Variants in ZNF385D observed in about 807,000 individuals in gnomAD.
ZNF385D encodes zinc finger protein 385D.
ZNF385D carries 15 observed loss-of-function variants against 35.8 expected under a neutral mutation model. That is an observed-to-expected ratio of 0.42 (90% CI 0.28 to 0.64). The LOEUF is 0.64. Among genes scored for constraint, ZNF385D ranks in the 30% least tolerant of loss-of-function variants. The probability of loss-of-function intolerance (pLI) is 0.23; values close to 1 mark genes in which losing one functional copy is unlikely to be tolerated. For missense variants in ZNF385D, 474 were observed against 494.6 expected, an observed-to-expected ratio of 0.96 and a Z score of 0.39; for synonymous variants, 212 against 186.8, an observed-to-expected ratio of 1.13 and a Z score of -1.10.
chr3:22,142,646 A>G (rs1321938522), intron 3 of ZNF385D, among the ~76,000 whole-genome samples: 1 of 152,122 alleles, frequency 6.6e-6, no homozygotes, highest in Non-Finnish European at 1.5e-5. Context: ...GATCAATCCA[A>G]GTCATTGCTC....
intron 3 of ZNF385D, among the ~76,000 whole-genome samples, chr3:21,862,025 C>G (rs1697081752): frequency 6.6e-6 from 1 of 152,020 alleles, no homozygotes; most frequent in Non-Finnish European, 1.5e-5. Context: ...GTCATATGAG[C>G]TAAATAATCC....
chr3:22,246,322 T>C (rs1349778033), intron 2 of ZNF385D, among the ~76,000 whole-genome samples: 1 of 152,158 alleles, frequency 6.6e-6, no homozygotes, highest in Non-Finnish European at 1.5e-5. Context: ...TTGGTTGACC[T>C]CTGTCTACTC....
At position 22,286,112 on chromosome 3, in the gene ZNF385D, A is replaced by T. The variant is rs150491715; in HGVS notation, c.106+86338T>A. Among the ~76,000 whole-genome samples, 1,083 of 152,174 alleles carry T rather than the reference A, an allele frequency of 7.1e-3. 7 individuals carry two copies. Among genetic ancestry groups the T allele is most frequent in the African/African-American group, 0.024 (1,003 of 41,552 alleles). On this transcript the variant is annotated intron_variant, in intron 2 of 5. Transcript: ENST00000494108. ...ACTCTAGTATCTCTTAATACAATGT[A>T]CTCATTTTTAATAATATGTACGGTA...
intron 3 of ZNF385D, among the ~76,000 whole-genome samples, chr3:22,060,980 A>G (rs1576243283): frequency 2.0e-5 from 3 of 152,268 alleles, no homozygotes. Context: ...TTTTTACTAA[A>G]TAACTGTTAA....
intron 1 of ZNF385D, among the ~76,000 whole-genome samples, chr3:21,671,935 C>T (rs2066589420): frequency 6.6e-6 from 1 of 151,976 alleles, no homozygotes. Flanking sequence ...GTTTCAAAAC[C>T]CCTCAAATTT....
intron 3 of ZNF385D, among the ~76,000 whole-genome samples, chr3:22,084,317 A>G (rs1216536613): frequency 1.3e-5 from 2 of 152,154 alleles, no homozygotes; most frequent in African/African-American, 4.8e-5. Flanking sequence ...TCATCAGTGT[A>G]CTGTATTCAG....
intron 3 of ZNF385D, among the ~76,000 whole-genome samples, chr3:21,903,241 G>A (rs189697310): frequency 7.2e-4 from 109 of 152,218 alleles, no homozygotes; most frequent in Admixed American, 1.8e-3. Context: ...AACCGATCAT[G>A]AAAAGAATTT....
intron 2 of ZNF385D, among the ~76,000 whole-genome samples, chr3:21,589,751 C>G (rs993278194): frequency 6.6e-6 from 1 of 151,758 alleles, no homozygotes; most frequent in Non-Finnish European, 1.5e-5. Flanking sequence ...TTCTTAGTAT[C>G]TAGGATATTT....
chr3:21,715,352 GTCTT>G (rs2068274743), intron 1 of ZNF385D, among the ~76,000 whole-genome samples: 4 of 151,706 alleles, frequency 2.6e-5, no homozygotes, highest in Admixed American at 2.6e-4. Flanking sequence ...TGTGATATTT[GTCTT>G]TCTGTGTCTG....
At position 22,288,010 on chromosome 3, in the gene ZNF385D, A is replaced by C. The variant is rs1485656165; in HGVS notation, c.106+84440T>G. Among the ~76,000 whole-genome samples the C allele has an allele frequency of 2.6e-4, 40 of 152,066 alleles. 1 individual carries two copies. Among genetic ancestry groups the C allele is most frequent in the Non-Finnish European group, 5.9e-5 (4 of 67,974 alleles). The stretch of plus-strand genomic sequence containing the variant: ...TATCATCTCTTCATCTTTGAAAGAC[A>C]GAATTGCCTGGCATATTAATCTTGA... On this transcript the variant is annotated intron_variant, in intron 2 of 5. Coordinates refer to the ZNF385D transcript ENST00000494108.
At chr3:21,436,876 C>G in intron 5 of ZNF385D, 94 bp downstream of exon 5, 2 of 1,177,078 alleles carry the variant, frequency 1.7e-6, no homozygotes, top group Non-Finnish European at 1.2e-6. Flanking sequence ...CAGTTTTCCT[C>G]CACCCCTTTG....
At position 21,944,612 on chromosome 3, in the gene ZNF385D, G is replaced by T. The variant is rs192141055; in HGVS notation, c.325+224205C>A. Among the ~76,000 whole-genome samples, 4 of 152,246 alleles carry T rather than the reference G, an allele frequency of 2.6e-5. No homozygotes were observed. In the East Asian group the frequency reaches 7.7e-4, roughly 29 times the overall value. ...CTGTTAATCTGCAGCTTTGCACATT[G>T]TATTTTCAAAGCAGTTCAGCTGAAG... On this transcript the variant is annotated intron_variant, in intron 3 of 5. Transcript: ENST00000494108.
At chr3:22,263,464 T>C (rs1275846656) in intron 2 of ZNF385D, among the ~76,000 whole-genome samples, 1 of 152,066 alleles carries the variant, frequency 6.6e-6, no homozygotes, top group African/African-American at 2.4e-5. Flanking sequence ...CCACCTGAAA[T>C]AGTGCTCTGC....
intron 3 of ZNF385D, among the ~76,000 whole-genome samples, chr3:21,995,635 G>C (rs932839766): frequency 1.3e-5 from 2 of 151,798 alleles, no homozygotes; most frequent in Non-Finnish European, 2.9e-5. Context: ...GCTGTGGTGG[G>C]TGAGACAAGT....
chr3:22,275,306 T>C (rs753130422), intron 2 of ZNF385D, among the ~76,000 whole-genome samples: 51 of 152,152 alleles, frequency 3.4e-4, no homozygotes, highest in Non-Finnish European at 6.0e-4. Flanking sequence ...ACTAGTCCCT[T>C]ACTTCAGCCA....
At chr3:22,164,387 T>C (rs1328119065) in intron 3 of ZNF385D, among the ~76,000 whole-genome samples, 2 of 151,390 alleles carry the variant, frequency 1.3e-5, no homozygotes, top group African/African-American at 4.9e-5. Flanking sequence ...CGCCACCACG[T>C]CTAGCTAATT....
intron 3 of ZNF385D, among the ~76,000 whole-genome samples, chr3:22,147,241 G>A (rs367664075): frequency 2.0e-5 from 3 of 152,048 alleles, no homozygotes; most frequent in East Asian, 3.9e-4. Flanking sequence ...ATTCTCTCCT[G>A]GTAAGATATG....
At chr3:21,682,253 C>T (rs1004099797) in intron 1 of ZNF385D, among the ~76,000 whole-genome samples, 1 of 147,480 alleles carries the variant, frequency 6.8e-6, no homozygotes, top group Non-Finnish European at 1.5e-5. Context: ...GAAAGATTGG[C>T]TAAGTATGTT....
intron 4 of ZNF385D, among the ~76,000 whole-genome samples, chr3:21,497,213 A>G (rs2125425732): frequency 6.6e-6 from 1 of 152,298 alleles, no homozygotes; most frequent in South Asian, 2.1e-4. Flanking sequence ...TTGGGATACT[A>G]AATCAATGTA....
Sources: allele counts gnomAD v4.1 joint callset (sites outside exome capture counted in the v4.1 genomes callset), GRCh38; gene constraint gnomAD v4.1.1; transcripts MANE v1.5; gene names NCBI Gene and HGNC (gene_info 2026-07-23, HGNC 2026-07-21).